Variants in CAST observed in about 807,000 individuals in gnomAD.
CAST encodes MIR583 host.
CAST carries 76 observed loss-of-function variants against 119.6 expected under a neutral mutation model. The observed-to-expected ratio is 0.64, with a 90% CI of 0.53 to 0.77. The LOEUF is 0.77. CAST is among the 30% of genes least tolerant of loss of function. The pLI, the probability that CAST is intolerant of heterozygous loss-of-function variation, is 0.00. For missense variants in CAST, 953 were observed against 946.5 expected, an observed-to-expected ratio of 1.01 and a Z score of -0.09; for synonymous variants, 319 against 331.6, an observed-to-expected ratio of 0.96 and a Z score of 0.41.
chr5:96,284,138 A>G, the CAST span, among the ~76,000 whole-genome samples: 1 of 152,192 alleles, frequency 6.6e-6, no homozygotes, highest in Non-Finnish European at 1.5e-5. Context: ...GAAAAAAGGA[A>G]AGAAGGAGCA....
chr5:96,554,177 A>G (rs1746188212), intron 1 of CAST, among the ~76,000 whole-genome samples: 1 of 152,230 alleles, frequency 6.6e-6, no homozygotes. Flanking sequence ...CCAGTAACCA[A>G]AACAGCATGG....
the CAST span, among the ~76,000 whole-genome samples, chr5:96,014,436 A>C: frequency 5.2e-4 from 79 of 152,292 alleles, no homozygotes; most frequent in East Asian, 6.2e-3. Context: ...TAGTATAGTT[A>C]ATACGTAAAC....
chr5:96,671,508 C>A (rs1750068406), intron 1 of CAST, among the ~76,000 whole-genome samples: 1 of 152,096 alleles, frequency 6.6e-6, no homozygotes, highest in African/African-American at 2.4e-5. Flanking sequence ...CCCATGTAAT[C>A]CTGAGTGGTA....
chr5:96,742,413 G>A, intron 15 of CAST: 1 of 472,062 alleles, frequency 2.1e-6, no homozygotes, highest in Non-Finnish European at 3.8e-6. Context: ...CAAATAAGGG[G>A]TGAAGTGTGC....
At chr5:96,715,513 A>C (rs1757039888) in intron 3 of CAST, among the ~76,000 whole-genome samples, 1 of 152,330 alleles carries the variant, frequency 6.6e-6, no homozygotes, top group Admixed American at 6.5e-5. Flanking sequence ...TAGATAAGTT[A>C]TTTAACTTCT....
chr5:96,525,097 C>T (rs1228895244), upstream of CAST, among the ~76,000 whole-genome samples: 2 of 152,206 alleles, frequency 1.3e-5, no homozygotes, highest in Non-Finnish European at 2.9e-5. Flanking sequence ...TCCTTGAGGG[C>T]AGGTCTATTC....
At chr5:96,535,716 G>T (rs1355054432) in intron 1 of CAST, among the ~76,000 whole-genome samples, 1 of 151,876 alleles carries the variant, frequency 6.6e-6, no homozygotes, top group African/African-American at 2.4e-5. Flanking sequence ...TGGGACTACA[G>T]GCGCCCGCCA....
At chr5:96,602,789 T>C (rs1170894918) in intron 1 of CAST, among the ~76,000 whole-genome samples, 2 of 152,208 alleles carry the variant, frequency 1.3e-5, no homozygotes, top group Non-Finnish European at 2.9e-5. Context: ...GATAAACTTA[T>C]GGGAGAAGAC....
At chr5:96,017,802 A>G in the CAST span, among the ~76,000 whole-genome samples, 1 of 152,176 alleles carries the variant, frequency 6.6e-6, no homozygotes, top group Non-Finnish European at 1.5e-5. Context: ...AATTAATTTT[A>G]TTTGTATAGG....
At chr5:96,501,680 A>C in the CAST span, among the ~76,000 whole-genome samples, 3 of 152,370 alleles carry the variant, frequency 2.0e-5, no homozygotes, top group South Asian at 4.1e-4. Context: ...ACTCAATTTA[A>C]GTAATATTCA....
the CAST span, among the ~76,000 whole-genome samples, chr5:96,070,480 C>T: frequency 1.3e-5 from 2 of 152,114 alleles, no homozygotes; most frequent in African/African-American, 2.4e-5. Context: ...ACAGAATGCA[C>T]GTTCACAAGA....
At chr5:96,317,167 T>C in the CAST span, among the ~76,000 whole-genome samples, 1 of 151,986 alleles carries the variant, frequency 6.6e-6, no homozygotes, top group African/African-American at 2.4e-5. Flanking sequence ...ACGTACATTA[T>C]AAAGGTGTCA....
chr5:96,527,674 C>T (rs982294625), upstream of CAST, among the ~76,000 whole-genome samples: 5 of 152,186 alleles, frequency 3.3e-5, no homozygotes, highest in Non-Finnish European at 7.3e-5. Context: ...ATGCCACTGC[C>T]CTTCTGAAAC....
chr5:96,602,769 A>T (rs897068218), intron 1 of CAST, among the ~76,000 whole-genome samples: 1 of 152,234 alleles, frequency 6.6e-6, no homozygotes, highest in African/African-American at 2.4e-5. Context: ...TAGATAAATA[A>T]CAGGGTCATG....
At chr5:96,211,536 A>G in the CAST span, among the ~76,000 whole-genome samples, 1 of 151,914 alleles carries the variant, frequency 6.6e-6, no homozygotes, top group Non-Finnish European at 1.5e-5. Context: ...ATTGAATTCT[A>G]TTTGCTTATA....
chr5:96,296,781 C>T, the CAST span, among the ~76,000 whole-genome samples: 3 of 152,294 alleles, frequency 2.0e-5, no homozygotes, highest in Admixed American at 1.3e-4. Context: ...TATTGTAATA[C>T]TGCAGGTTTG....
the CAST span, among the ~76,000 whole-genome samples, chr5:96,008,790 G>C: frequency 6.6e-6 from 1 of 152,196 alleles, no homozygotes; most frequent in Non-Finnish European, 1.5e-5. Context: ...GATACAGAGA[G>C]AGCAGAAGAA....
At chr5:96,597,385 T>C (rs1408061394) in intron 1 of CAST, among the ~76,000 whole-genome samples, 1 of 152,212 alleles carries the variant, frequency 6.6e-6, no homozygotes, top group Non-Finnish European at 1.5e-5. Flanking sequence ...AAATATTTTG[T>C]GTAAAACCTT....
chr5:96,572,929 G>A (rs1746595134), intron 1 of CAST, among the ~76,000 whole-genome samples: 1 of 152,194 alleles, frequency 6.6e-6, no homozygotes, highest in Non-Finnish European at 1.5e-5. Flanking sequence ...AAGACAAAAG[G>A]AAGGAAGGTT....
Sources: allele counts gnomAD v4.1 joint callset (sites outside exome capture counted in the v4.1 genomes callset), GRCh38; gene constraint gnomAD v4.1.1; transcripts MANE v1.5; gene names NCBI Gene and HGNC (gene_info 2026-07-23, HGNC 2026-07-21).